Variants in PLD5 observed in about 807,000 individuals in gnomAD.
PLD5 encodes the protein phospholipase D family member 5.
PLD5 carries 36 observed loss-of-function variants against 61.1 expected under a neutral mutation model. The ratio of observed to expected loss-of-function variants is 0.59; its 90% CI spans 0.45 to 0.78. The LOEUF is 0.78. PLD5 is among the 30% of genes least tolerant of loss of function. PLD5 has a pLI of 0.00. For missense variants in PLD5, 515 were observed against 644.4 expected, an observed-to-expected ratio of 0.80 and a Z score of 2.17; for synonymous variants, 243 against 242.8, an observed-to-expected ratio of 1.00 and a Z score of -0.01.
At chr1:242,373,990 G>A (rs1005004604) in intron 1 of PLD5, among the ~76,000 whole-genome samples, 8 of 151,192 alleles carry the variant, frequency 5.3e-5, no homozygotes, top group East Asian at 1.9e-4. Flanking sequence ...AAAGAATGTC[G>A]GAACAAAGCA....
At chr1:242,099,509 G>A (rs1295232840) in intron 9 of PLD5, among the ~76,000 whole-genome samples, 1 of 152,212 alleles carries the variant, frequency 6.6e-6, no homozygotes, top group African/African-American at 2.4e-5. Context: ...CACTGAGTCT[G>A]GGAGTTAGTG....
At chr1:242,266,474 A>T (rs1223304704) in intron 3 of PLD5, among the ~76,000 whole-genome samples, 2 of 152,240 alleles carry the variant, frequency 1.3e-5, no homozygotes, top group African/African-American at 2.4e-5. Context: ...GAATAACAGT[A>T]GGTCCACAGT....
rs1298403059 is a variant in PLD5 at position 242,085,928 on chromosome 1, G to C, written c.*3926C>G. On this transcript the variant is annotated 3_prime_UTR_variant, in exon 10 of 10. Coordinates refer to ENST00000536534, the MANE Select transcript of PLD5 (RefSeq NM_001372062.1). The stretch of plus-strand genomic sequence containing the variant: ...GAATTCCTGAGACAGATAGACCCTG[G>C]ATCTGATCTTATCAAGAAATTCTTA... 1 of 151,822 alleles carries C rather than the reference G, an allele frequency of 6.6e-6. No homozygotes were observed. Among genetic ancestry groups the C allele is most frequent in the African/African-American group, 2.4e-5 (1 of 41,416 alleles). 9.4% of individuals were successfully genotyped at this position (151,822 alleles called of 1,614,324 possible).
At chr1:242,288,027 T>C (rs1049653608) in intron 3 of PLD5, among the ~76,000 whole-genome samples, 2 of 152,176 alleles carry the variant, frequency 1.3e-5, no homozygotes, top group Admixed American at 6.5e-5. Flanking sequence ...AACACGCTAG[T>C]TGGGCGAAGC....
Position 242,083,789 on chromosome 1 carries a change from C to A in PLD5, c.*6065G>T, listed in dbSNP as rs1395164663. The stretch of plus-strand genomic sequence containing the variant: ...CTGAGTTGTCTTTAAAGATCTTCAT[C>A]CTCTATTTATATTGGAAAGTAACAT... On this transcript the variant is annotated 3_prime_UTR_variant, in exon 10 of 10. Coordinates refer to ENST00000536534, the MANE Select transcript of PLD5 (RefSeq NM_001372062.1). 6.6e-6 allele frequency: 1 copy of A among 152,122 alleles called. No individual in the cohort carries two copies. The highest frequency in any genetic ancestry group is 2.4e-5 in the African/African-American group (1 of 41,426). 9.4% of individuals were successfully genotyped at this position (152,122 alleles called of 1,614,324 possible).
intron 1 of PLD5, among the ~76,000 whole-genome samples, chr1:242,395,008 T>TATATATGA (rs1663446104): frequency 9.3e-6 from 1 of 108,006 alleles, no homozygotes; most frequent in African/African-American, 3.7e-5. Context: ...TATATATGAA[T>TATATATGA]ATATATGAAT....
intron 3 of PLD5, among the ~76,000 whole-genome samples, chr1:242,285,412 C>T (rs1405998463): frequency 1.5e-4 from 23 of 152,242 alleles, no homozygotes; most frequent in Admixed American, 3.9e-4. Flanking sequence ...GCAGGAGAAT[C>T]GCTTGAACCC....
chr1:242,256,220 G>A lies in PLD5; in HGVS notation c.607+9117C>T, dbSNP rs1673004253. The stretch of plus-strand genomic sequence containing the variant: ...GCAGAGGGCTGAGCACTGTCACTGT[G>A]ACCAAGAGTTCACCCCAAGAGCATG... On this transcript the variant is annotated intron_variant, in intron 4 of 9. Coordinates refer to ENST00000536534, the MANE Select transcript of PLD5 (RefSeq NM_001372062.1). The surrounding 1 kb of genome is among the most constrained non-coding windows in gnomAD (Gnocchi z 5.7). Among the ~76,000 whole-genome samples the A allele has an allele frequency of 6.6e-6, 1 of 152,172 alleles. No individual in the cohort carries two copies.
At chr1:242,330,334 A>C (rs1659092752) in intron 2 of PLD5, among the ~76,000 whole-genome samples, 1 of 152,136 alleles carries the variant, frequency 6.6e-6, no homozygotes, top group Non-Finnish European at 1.5e-5. Context: ...TGTGTCTCCT[A>C]TCCCTCCTTC....
chr1:242,353,998 G>GTT (rs534771094), intron 1 of PLD5, among the ~76,000 whole-genome samples: 4 of 145,808 alleles, frequency 2.7e-5, no homozygotes, highest in African/African-American at 7.5e-5. Flanking sequence ...AACTCTAACA[G>GTT]TTTTTTTTTT....
intron 4 of PLD5, among the ~76,000 whole-genome samples, chr1:242,247,689 T>G (rs1672469051): frequency 3.3e-5 from 5 of 152,202 alleles, no homozygotes; most frequent in Admixed American, 3.3e-4. Flanking sequence ...GGGGGTCCCC[T>G]TGGCTAAGAG....
intron 4 of PLD5, among the ~76,000 whole-genome samples, chr1:242,242,865 T>C (rs1475115138): frequency 1.3e-5 from 2 of 152,224 alleles, no homozygotes; most frequent in African/African-American, 2.4e-5. Flanking sequence ...AATTTGGAAA[T>C]GTTATAGCAA....
Position 242,259,307 on chromosome 1 carries a change from C to CTCTCTCTCTCTCTCTCT in PLD5, c.607+6029_607+6030insAGAGAGAGAGAGAGAGA, listed in dbSNP as rs1553337783. Among the ~76,000 whole-genome samples, 284 of 145,826 alleles carry CTCTCTCTCTCTCTCTCT rather than the reference C, an allele frequency of 1.9e-3. 1 individual carries two copies. Among genetic ancestry groups the CTCTCTCTCTCTCTCTCT allele is most frequent in the African/African-American group, 6.5e-3 (257 of 39,508 alleles). On this transcript the variant is annotated intron_variant, in intron 4 of 9. Transcript: ENST00000536534. Reference sequence around the variant, plus strand: ...CTGGGTGATGGAGCAAGACATCACCCCTCTCTCTCTCTCTCTCTCAAAAAA... The same window carrying CTCTCTCTCTCTCTCTCT: ...CTGGGTGATGGAGCAAGACATCACCCTCTCTCTCTCTCTCTCTCTCTCTCTCTCTCTCTCTCAAAAAA...
At chr1:242,285,790 A>G (rs2149133918) in intron 3 of PLD5, among the ~76,000 whole-genome samples, 1 of 152,166 alleles carries the variant, frequency 6.6e-6, no homozygotes, top group African/African-American at 2.4e-5. Flanking sequence ...TACAGTTTAC[A>G]ATAATCTATT....
chr1:242,456,482 AAAG>A (rs1386918161), intron 1 of PLD5, among the ~76,000 whole-genome samples: 1 of 152,202 alleles, frequency 6.6e-6, no homozygotes, highest in Non-Finnish European at 1.5e-5. Flanking sequence ...AGAACTCTAA[AAAG>A]AAAATAAAAT....
chr1:242,485,518 G>A (rs1667929425), intron 1 of PLD5, among the ~76,000 whole-genome samples: 1 of 152,124 alleles, frequency 6.6e-6, no homozygotes, highest in Non-Finnish European at 1.5e-5. Flanking sequence ...GGATGTGAAG[G>A]ACCTCTTCAA....
At chr1:242,342,203 A>G (rs1235392519) in intron 2 of PLD5, among the ~76,000 whole-genome samples, 2 of 152,236 alleles carry the variant, frequency 1.3e-5, no homozygotes, top group Non-Finnish European at 2.9e-5. Context: ...TAGCAACAAA[A>G]GTCCCTCTTC....
chr1:242,272,187 G>A (rs887747893), intron 3 of PLD5, among the ~76,000 whole-genome samples: 17 of 152,058 alleles, frequency 1.1e-4, no homozygotes, highest in African/African-American at 4.1e-4. Context: ...TCATTTTTAT[G>A]AAATGACACA....
chr1:242,090,023 C>T lies in PLD5; in HGVS notation c.1442G>A (p.Ser481Asn). Reference sequence around the variant, plus strand: ...CACATCTTTAAGTTGCTTAATGATGCTTCTGTTGTTCCTCACATCTGCCTG... The same window carrying T: ...CACATCTTTAAGTTGCTTAATGATGTTTCTGTTGTTCCTCACATCTGCCTG... ...INQADVRNNR[S>N]IIKQLKDVFE... The change falls in exon 10 of 10, where the codon AGC becomes AAC. Residue 481 changes from serine to asparagine, a missense_variant. Coordinates refer to ENST00000536534, the MANE Select transcript of PLD5 (RefSeq NM_001372062.1). 2 of 1,614,164 alleles carry T rather than the reference C, an allele frequency of 1.2e-6. No individual in the cohort carries two copies. Among genetic ancestry groups the T allele is most frequent in the South Asian group, 1.1e-5 (1 of 91,080 alleles).
Sources: gnomAD v4.1 joint callset for allele counts (sites outside exome capture counted in the v4.1 genomes callset) on GRCh38, gnomAD v4.1.1 for gene constraint, Gnocchi (gnomAD v3.1) non-coding constraint, MANE v1.5 for transcripts, NCBI Gene and HGNC (gene_info 2026-07-23, HGNC 2026-07-21) for gene names.